Variants in EFNA5 observed in about 807,000 individuals in gnomAD.
EFNA5 encodes the protein ephrin-A5.
A neutral mutation model predicts 22.9 loss-of-function variants in EFNA5; 5 were observed. That is an observed-to-expected ratio of 0.22 (90% CI 0.11 to 0.46). The LOEUF (loss-of-function observed/expected upper bound fraction) is 0.46. EFNA5 is among the 20% of genes least tolerant of loss of function. The pLI, the probability that EFNA5 is intolerant of heterozygous loss-of-function variation, is 0.99. For missense variants in EFNA5, 237 were observed against 293.3 expected (o/e 0.81, Z 1.40); for synonymous variants, 113 against 112.2 (o/e 1.01, Z -0.04).
chr5:107,540,449 C>G (rs1156281300), intron 1 of EFNA5, among the ~76,000 whole-genome samples: 1 of 152,096 alleles, frequency 6.6e-6, no homozygotes, highest in African/African-American at 2.4e-5. Flanking sequence ...CGAACAAAAG[C>G]TGATTATCTG....
rs1256602609 is a variant in EFNA5, at chr5:107,593,563, G to A, written c.125+76926C>T. Among the ~76,000 whole-genome samples the A allele has an allele frequency of 2.6e-5, 4 of 152,120 alleles. No individual in the cohort carries two copies. In the East Asian group the frequency reaches 5.8e-4, roughly 22 times the overall value. ...GCTGGCTGCACATCAGAATCACCTA[G>A]GGAGCTTTCAAAACCACCAACAGTC... On this transcript the variant is annotated intron_variant, in intron 1 of 4. Transcript: ENST00000333274.
chr5:107,637,223 A>G (rs1750391098), intron 1 of EFNA5, among the ~76,000 whole-genome samples: 1 of 152,194 alleles, frequency 6.6e-6, no homozygotes, highest in African/African-American at 2.4e-5. Flanking sequence ...AAGAGAAATC[A>G]AAAGTCCAGA....
intron 1 of EFNA5, among the ~76,000 whole-genome samples, chr5:107,480,117 C>T (rs984522494): frequency 6.6e-6 from 1 of 152,078 alleles, no homozygotes; most frequent in African/African-American, 2.4e-5. Context: ...TACATATTTC[C>T]ATGTCCCAAG....
At chr5:107,614,638 C>G (rs1393795510) in intron 1 of EFNA5, among the ~76,000 whole-genome samples, 1 of 152,030 alleles carries the variant, frequency 6.6e-6, no homozygotes, top group Non-Finnish European at 1.5e-5. Flanking sequence ...TCTCCAAGAC[C>G]AATGGTTGTC....
chr5:107,391,536 T>C lies in EFNA5; in HGVS notation c.419-3765A>G, dbSNP rs557527744. ...CAAACAGGTGAAAAAAAAATCTAGA[T>C]CTGAAATCTTCCTCTAAAGACACAT... On this transcript the variant is annotated intron_variant, in intron 2 of 4. Coordinates refer to ENST00000333274, the MANE Select transcript of EFNA5 (RefSeq NM_001962.3). 3.3e-4 allele frequency among the ~76,000 whole-genome samples: 50 copies of C among 152,262 alleles called. 1 individual carries two copies. The highest frequency in any genetic ancestry group is 1.8e-3 in the Admixed American group (27 of 15,290).
Position 107,379,838 on chromosome 5 carries a change from G to C in EFNA5, c.*1417C>G, listed in dbSNP as rs1016813769. 6.6e-6 allele frequency: 1 copy of C among 151,436 alleles called. No individual in the cohort carries two copies. The highest frequency in any genetic ancestry group is 2.4e-5 in the African/African-American group (1 of 41,122). 9.4% of individuals were successfully genotyped at this position (151,436 alleles called of 1,614,324 possible). ...CACTTTTTCTCACAAGTTTAAATAG[G>C]ACAAGCATATATACTCACTCTCAGC... On this transcript the variant is annotated 3_prime_UTR_variant, in exon 5 of 5. Transcript: ENST00000333274.
chr5:107,407,558 G>T lies in EFNA5; in HGVS notation c.418+19659C>A, dbSNP rs545594947. On this transcript the variant is annotated intron_variant, in intron 2 of 4. Transcript: ENST00000333274. ...ACACTTATCAAAAGAAAAGAGAAGT[G>T]TTCACTCAAACTACCTAGGACAGAA... Among the ~76,000 whole-genome samples, 3 of 152,256 alleles carry T rather than the reference G, an allele frequency of 2.0e-5. No homozygotes were observed. In the South Asian group the frequency reaches 6.2e-4, roughly 32 times the overall value.
intron 1 of EFNA5, among the ~76,000 whole-genome samples, chr5:107,429,182 C>T (rs545334560): frequency 1.3e-5 from 2 of 152,350 alleles, no homozygotes; most frequent in African/African-American, 4.8e-5. Flanking sequence ...GTGGCTCACG[C>T]CTGTAATCCC....
intron 1 of EFNA5, among the ~76,000 whole-genome samples, chr5:107,450,512 G>A (rs1056006447): frequency 6.6e-6 from 1 of 152,174 alleles, no homozygotes; most frequent in African/African-American, 2.4e-5. Context: ...ACATTCAAGA[G>A]CGCCTAATGC....
chr5:107,593,769 A>C (rs1445989544), intron 1 of EFNA5, among the ~76,000 whole-genome samples: 1 of 152,198 alleles, frequency 6.6e-6, no homozygotes, highest in East Asian at 1.9e-4. Context: ...AAAAGACAGA[A>C]TGTTGCTATA....
chr5:107,541,543 A>G (rs951949641), intron 1 of EFNA5, among the ~76,000 whole-genome samples: 7 of 152,234 alleles, frequency 4.6e-5, no homozygotes, highest in African/African-American at 1.7e-4. Context: ...TTTCTCTAGT[A>G]TAACATTGAC....
intron 1 of EFNA5, among the ~76,000 whole-genome samples, chr5:107,661,374 T>G (rs1025689724): frequency 6.6e-6 from 1 of 152,172 alleles, no homozygotes; most frequent in African/African-American, 2.4e-5. Context: ...AAATGAAAAC[T>G]AAAAAGACTG....
intron 1 of EFNA5, among the ~76,000 whole-genome samples, chr5:107,578,353 G>A (rs1416440803): frequency 6.6e-6 from 1 of 152,152 alleles, no homozygotes; most frequent in African/African-American, 2.4e-5. Flanking sequence ...GAGAAATGTT[G>A]ATGATAATCA....
chr5:107,668,279 T>A (rs1015055669), intron 1 of EFNA5, among the ~76,000 whole-genome samples: 2 of 152,184 alleles, frequency 1.3e-5, no homozygotes, highest in African/African-American at 4.8e-5. Flanking sequence ...TTCTGCAGAT[T>A]AACTTTGTCT....
intron 2 of EFNA5, among the ~76,000 whole-genome samples, chr5:107,415,250 C>A (rs982486131): frequency 6.6e-6 from 1 of 152,050 alleles, no homozygotes; most frequent in African/African-American, 2.4e-5. Context: ...ACCCAGCAAG[C>A]ACCTAGTCAT....
intron 1 of EFNA5, among the ~76,000 whole-genome samples, chr5:107,429,575 C>T (rs1748894949): frequency 6.6e-6 from 1 of 152,120 alleles, no homozygotes; most frequent in African/African-American, 2.4e-5. Flanking sequence ...ACTAAGTAGA[C>T]CTAGATTTAA....
intron 1 of EFNA5, among the ~76,000 whole-genome samples, chr5:107,620,231 A>C (rs1750006390): frequency 6.6e-6 from 1 of 152,244 alleles, no homozygotes; most frequent in Admixed American, 6.5e-5. Flanking sequence ...AAAAAACAAA[A>C]ACAAGATTCC....
chr5:107,620,068 G>C (rs766325979), intron 1 of EFNA5, among the ~76,000 whole-genome samples: 2 of 152,230 alleles, frequency 1.3e-5, no homozygotes, highest in African/African-American at 2.4e-5. Context: ...GAGATACAGA[G>C]TGCCTTATTC....
chr5:107,641,302 G>A (rs1395094441), intron 1 of EFNA5, among the ~76,000 whole-genome samples: 1 of 151,718 alleles, frequency 6.6e-6, no homozygotes, highest in African/African-American at 2.4e-5. Flanking sequence ...AGGTTACAGT[G>A]AGCAGAGACT....
Sources: gnomAD v4.1 joint callset for allele counts (sites outside exome capture counted in the v4.1 genomes callset) on GRCh38, gnomAD v4.1.1 for gene constraint, MANE v1.5 for transcripts, NCBI Gene and HGNC (gene_info 2026-07-23, HGNC 2026-07-21) for gene names.